Variants in FANCA observed in about 807,000 individuals in gnomAD.
The protein encoded by FANCA is FA complementation group A.
A neutral mutation model predicts 194.3 loss-of-function variants in FANCA; 236 were observed. That is an observed-to-expected ratio of 1.21 (90% confidence interval 1.09 to 1.35). FANCA has a LOEUF of 1.35. Among genes scored for constraint, FANCA ranks in the 40% most tolerant of loss-of-function variants. The probability of loss-of-function intolerance (pLI) is 0.00; values close to 1 mark genes in which losing one functional copy is unlikely to be tolerated. For synonymous variants in FANCA, 1,014 were observed against 715.8 expected, an observed-to-expected ratio of 1.42 and a Z score of -6.65; for missense variants, 2,628 against 1,813.9, an observed-to-expected ratio of 1.45 and a Z score of -8.15.
At chr16:89,753,705 C>A (rs900566040) in intron 30 of FANCA, among the ~76,000 whole-genome samples, 1 of 152,118 alleles carries the variant, frequency 6.6e-6, no homozygotes, top group Non-Finnish European at 1.5e-5. Flanking sequence ...CTCCTAAGAT[C>A]AGGGGCAACA....
chr16:89,767,229 G>C lies in FANCA; in HGVS notation c.2513C>G (p.Thr838Arg), dbSNP rs1216922486. 3 of 1,610,434 alleles carry C rather than the reference G, an allele frequency of 1.9e-6. No individual in the cohort carries two copies. The highest frequency in any genetic ancestry group is 2.5e-6 in the Non-Finnish European group (3 of 1,176,818). The change falls in exon 27 of 43, where the codon ACA becomes AGA. Residue 838 changes from threonine (T) to arginine (R), a missense_variant. Transcript: ENST00000389301. ...DSLFFCLKFC[T>R]AAISYSLCKF... ...GCAGAGAGAGTAAGAAATTGCTGCT[G>C]TACAAAATCTGAAAACAGAAATTAT...
chr16:89,738,960 T>A lies in FANCA; in HGVS notation c.4182A>T (p.Glu1394Asp). ...GAAAAAGACGAGCTTTTGTTATCAG[T>A]TCCACGGGGTTGCCCTAGAGAGAAA... ...LELKGQGNPVELITKARLFLL... is the reference protein window; with the variant it reads ...LELKGQGNPVDLITKARLFLL... The change falls in exon 42 of 43, where the codon GAA (glutamate) becomes GAT (aspartate). Residue 1394 changes from glutamate (E) to aspartate (D), a missense_variant. Transcript: ENST00000389301. 1.9e-6 allele frequency: 3 copies of A among 1,614,232 alleles called. No homozygotes were observed. The highest frequency in any genetic ancestry group is 2.5e-6 in the Non-Finnish European group (3 of 1,180,046).
chr16:89,798,557 T>A, intron 10 of FANCA: 1 of 1,134,692 alleles, frequency 8.8e-7, no homozygotes, highest in Non-Finnish European at 1.1e-6. Context: ...CTGCCCACAC[T>A]AGAGGGAAGC....
intron 6 of FANCA, among the ~76,000 whole-genome samples, chr16:89,805,808 A>C (rs1296108932): frequency 6.6e-6 from 1 of 152,032 alleles, no homozygotes; most frequent in Non-Finnish European, 1.5e-5. Context: ...GGATTTTCCC[A>C]ATTCCCTTCT....
In FANCA at chr16:89,738,298, T is replaced by G. The variant is rs1598046866; in HGVS notation, c.*303A>C. ...AGCAGCCTGGACTCCGCAGTGGCTG[T>G]GTCAGCCTCACCCTTCGTGTGCACC... On this transcript the variant is annotated 3_prime_UTR_variant, in exon 43 of 43. Transcript: ENST00000389301. The G allele has an allele frequency of 1.3e-6, 2 of 1,538,478 alleles. No individual in the cohort carries two copies. The highest frequency in any genetic ancestry group is 1.7e-6 in the Non-Finnish European group (2 of 1,143,136).
At position 89,784,913 on chromosome 16, in the gene FANCA, C is replaced by T; in HGVS notation, c.1411G>A (p.Val471Ile). The change falls in exon 15 of 43, where the codon GTC becomes ATC. Residue 471 changes from valine to isoleucine, a missense_variant. Coordinates refer to ENST00000389301, the MANE Select transcript of FANCA (RefSeq NM_000135.4). ...TCTGACAAGAACGTAAACAGGAAGACCAGGGCCTTCTTGCTGCAGCCATGG... is the reference window on the plus strand; with the variant it reads ...TCTGACAAGAACGTAAACAGGAAGATCAGGGCCTTCTTGCTGCAGCCATGG... ...GYHGCSKKALVFLFTFLSELV... is the reference protein window; with the variant it reads ...GYHGCSKKALIFLFTFLSELV... The T allele has an allele frequency of 3.7e-6, 6 of 1,614,144 alleles. No individual in the cohort carries two copies. The highest frequency in any genetic ancestry group is 5.1e-6 in the Non-Finnish European group (6 of 1,180,018).
chr16:89,740,774 G>A, intron 38 of FANCA, 30 bp downstream of exon 38: 1 of 1,605,760 alleles, frequency 6.2e-7, no homozygotes, highest in Non-Finnish European at 8.5e-7. Flanking sequence ...CAGTGGGAGA[G>A]GACACCTTGG....
chr16:89,790,496 C>A (rs2040033199), intron 14 of FANCA, among the ~76,000 whole-genome samples: 2 of 149,062 alleles, frequency 1.3e-5, no homozygotes, highest in African/African-American at 5.1e-5. Flanking sequence ...TTTGGGAGGA[C>A]AAGACGGGCG....
At chr16:89,770,352 G>A in intron 24 of FANCA, 93 bp from the exon 25 acceptor site, 1 of 1,232,246 alleles carries the variant, frequency 8.1e-7, no homozygotes, top group Non-Finnish European at 1.2e-6. Flanking sequence ...CGAAGAAAGA[G>A]CCAAGCTGTT....
intron 36 of FANCA, among the ~76,000 whole-genome samples, chr16:89,743,962 A>G (rs1032436750): frequency 1.3e-5 from 2 of 151,938 alleles, no homozygotes; most frequent in African/African-American, 4.8e-5. Flanking sequence ...CAATGGCATG[A>G]TCTCGGCTCA....
At chr16:89,762,354 G>C (rs1308460291) in intron 28 of FANCA, among the ~76,000 whole-genome samples, 1 of 152,038 alleles carries the variant, frequency 6.6e-6, no homozygotes, top group Non-Finnish European at 1.5e-5. Context: ...AGCACTTTGG[G>C]AGGCTGAGGC....
rs2062020386 is a variant in FANCA, at chr16:89,738,361, G to A, written c.*240C>T. The A allele has an allele frequency of 2.1e-6, 3 of 1,458,850 alleles. No homozygotes were observed. Among genetic ancestry groups the A allele is most frequent in the African/African-American group, 2.8e-5 (2 of 71,204 alleles). The allele number at this position is 1,458,850 out of a possible 1,614,324, so 90.4% of individuals were successfully genotyped here. On this transcript the variant is annotated 3_prime_UTR_variant, in exon 43 of 43. Transcript: ENST00000389301. ...TCGGAGGGTGCTGCCCGCCCTTGGT[G>A]CTGGAGGCGGGCTTGGTGTCCGGCT...
intron 14 of FANCA, among the ~76,000 whole-genome samples, chr16:89,787,008 C>G (rs2143492452): frequency 6.6e-6 from 1 of 152,342 alleles, no homozygotes; most frequent in Admixed American, 6.5e-5. Flanking sequence ...AGGAACAGTC[C>G]AGACCCGTCG....
chr16:89,792,507 C>A lies in FANCA; in HGVS notation c.1047G>T (p.Ala349=). ...GTGAGGTGAGCAGAGGGTGTGTCCG[C>A]GCAAAGCTCCACTCTCTCTGCATCT... The part of the protein sequence containing the change: ...AVQMQREWSF[A]RTHPLLTSLY... Residue 349 remains alanine, a synonymous_variant, in exon 12 of 43, where the codon GCG becomes GCT. Coordinates refer to ENST00000389301, the MANE Select transcript of FANCA (RefSeq NM_000135.4). The A allele has an allele frequency of 6.2e-7, 1 of 1,613,508 alleles. No homozygotes were observed. Among genetic ancestry groups the A allele is most frequent in the South Asian group, 1.1e-5 (1 of 91,040 alleles).
At chr16:89,816,188 G>A in intron 1 of FANCA, 1 of 607,760 alleles carries the variant, frequency 1.6e-6, no homozygotes, top group Non-Finnish European at 3.0e-6. Flanking sequence ...GCCCAGGAGG[G>A]CCCGAGGCAG....
intron 7 of FANCA, among the ~76,000 whole-genome samples, chr16:89,803,730 C>T (rs956811345): frequency 1.3e-5 from 2 of 150,464 alleles, no homozygotes; most frequent in Non-Finnish European, 2.9e-5. Context: ...TCAAGCAATT[C>T]TCTGCCTCAG....
chr16:89,816,441 G>C (rs758092147), intron 1 of FANCA, 96 bp downstream of exon 1: 1 of 1,154,316 alleles, frequency 8.7e-7, no homozygotes, highest in South Asian at 2.0e-5. Flanking sequence ...CCGGGGATCC[G>C]ACCGGCGGAG....
intron 14 of FANCA, among the ~76,000 whole-genome samples, chr16:89,785,427 ACCT>A (rs2039864192): frequency 6.6e-6 from 1 of 152,182 alleles, no homozygotes; most frequent in Non-Finnish European, 1.5e-5. Context: ...TTAACTTCTA[ACCT>A]CATCCACCAG....
chr16:89,738,475 T>G lies in FANCA; in HGVS notation c.*126A>C, dbSNP rs2062023822. On this transcript the variant is annotated 3_prime_UTR_variant, in exon 43 of 43. Coordinates refer to ENST00000389301, the MANE Select transcript of FANCA (RefSeq NM_000135.4). ...GGCCGGACAGTTCATAAATAATTGA[T>G]TCCTTTCCCCACTAAAGCAGTCGAG... 1.4e-6 allele frequency: 2 copies of G among 1,475,994 alleles called. No individual in the cohort carries two copies. Among genetic ancestry groups the G allele is most frequent in the Non-Finnish European group, 1.9e-6 (2 of 1,074,000 alleles). The allele number at this position is 1,475,994 out of a possible 1,614,324, so 91.4% of individuals were successfully genotyped here.
Sources: allele counts gnomAD v4.1 joint callset (sites outside exome capture counted in the v4.1 genomes callset), GRCh38; gene constraint gnomAD v4.1.1; transcripts MANE v1.5; gene names NCBI Gene and HGNC (gene_info 2026-07-23, HGNC 2026-07-21).